The following CLEC4F variants were observed in gnomAD, a reference collection of about 807,000 sequenced individuals.
The protein encoded by CLEC4F is C-type lectin domain family 4 member F.
Under a neutral mutation model 53.4 loss-of-function variants are expected in CLEC4F, and 45 were observed. That is an observed-to-expected ratio of 0.84 (90% CI 0.66 to 1.08). CLEC4F has a LOEUF of 1.08. CLEC4F is among the 50% of genes least tolerant of loss of function. CLEC4F has a pLI of 0.00. For synonymous variants in CLEC4F, 245 were observed against 257.5 expected (o/e 0.95, Z 0.46); for missense variants, 753 against 698.2 (o/e 1.08, Z -0.88).
Position 70,809,115 on chromosome 2 carries a change from G to GC in CLEC4F, c.*155dup. The GC allele has an allele frequency of 6.4e-7, 1 of 1,550,714 alleles. No individual in the cohort carries two copies. The highest frequency in any genetic ancestry group is 8.7e-7 in the Non-Finnish European group (1 of 1,147,036). On this transcript the variant is annotated 3_prime_UTR_variant, in exon 7 of 7. Transcript: ENST00000272367. ...CAGGGCTTTATACTGTTAGATGAAG[G>GC]CAGCATCCCTTCCTGGTGCTGTGGC...
At chr2:70,819,260 T>C in intron 3 of CLEC4F, 95 bp downstream of exon 3, 2 of 922,002 alleles carry the variant, frequency 2.2e-6, no homozygotes, top group Non-Finnish European at 3.6e-6. Context: ...GCCCATTCAG[T>C]GGTCAGAGGG....
At chr2:70,818,296 T>G (rs1369393713) in intron 3 of CLEC4F, among the ~76,000 whole-genome samples, 3 of 152,294 alleles carry the variant, frequency 2.0e-5, no homozygotes, top group African/African-American at 7.2e-5. Context: ...CAATCGAATT[T>G]CAACAAAGGT....
chr2:70,813,237 G>A (rs528369357), intron 4 of CLEC4F, among the ~76,000 whole-genome samples: 17 of 152,302 alleles, frequency 1.1e-4, no homozygotes, highest in African/African-American at 4.1e-4. Flanking sequence ...ATTGTGCAAC[G>A]TTCCTTAACT....
In CLEC4F at chr2:70,819,458, T is replaced by C. The variant is rs1553397294; in HGVS notation, c.179-14A>G. The stretch of plus-strand genomic sequence containing the variant: ...TCTGCTGTTGAACTGAGACATTCCA[T>C]TTTTCCAGGTCAGCAAATCCCCAGC... On this transcript the variant is annotated splice_polypyrimidine_tract_variant and intron_variant, in intron 2 of 6. Coordinates refer to ENST00000272367, the MANE Select transcript of CLEC4F (RefSeq NM_173535.3). 6.2e-7 allele frequency: 1 copy of C among 1,611,776 alleles called. No homozygotes were observed. Among genetic ancestry groups the C allele is most frequent in the East Asian group, 2.2e-5 (1 of 44,866 alleles).
upstream of CLEC4F, among the ~76,000 whole-genome samples, chr2:70,824,204 C>T (rs529676606): frequency 6.6e-6 from 1 of 152,076 alleles, no homozygotes; most frequent in Non-Finnish European, 1.5e-5. Context: ...CACTTGTATT[C>T]AGCAGTACAA....
At chr2:70,812,332 G>T in intron 5 of CLEC4F, 115 bp downstream of exon 5, 1 of 1,131,656 alleles carries the variant, frequency 8.8e-7, no homozygotes, top group Non-Finnish European at 1.3e-6. Flanking sequence ...TCCCTGCCTG[G>T]CAGAGGAGAC....
At chr2:70,825,068 G>T (rs1469151042), upstream of CLEC4F, among the ~76,000 whole-genome samples, 1 of 152,144 alleles carries the variant, frequency 6.6e-6, no homozygotes, top group Non-Finnish European at 1.5e-5. Flanking sequence ...TCTATTGATG[G>T]TATGTACCCT....
At chr2:70,823,121 T>TTGTGTG (rs10538705), upstream of CLEC4F, among the ~76,000 whole-genome samples, 11 of 150,502 alleles carry the variant, frequency 7.3e-5, no homozygotes, top group African/African-American at 2.7e-4. Context: ...GTGTGTGTGT[T>TTGTGTG]TGTGTGTGTG....
rs373253086 is a variant in CLEC4F at position 70,812,476 on chromosome 2, G to T, written c.1510C>A (p.Leu504Met). 1 of 1,614,062 alleles carries T rather than the reference G, an allele frequency of 6.2e-7. No homozygotes were observed. Among genetic ancestry groups the T allele is most frequent in the African/African-American group, 1.3e-5 (1 of 74,928 alleles). Residue 504 changes from leucine to methionine, a missense_variant, in exon 5 of 7, where the codon CTG becomes ATG. By Grantham distance (15) the Leu-to-Met change is conservative (BLOSUM62 2). Transcript: ENST00000272367. ...EQFCVSQGAH[L>M]ASVASKEEQA... Reference sequence around the variant, plus strand: ...TCCTCCTTGGAGGCCACAGATGCCAGATGGGCTCCCTGGGACACGCAGAAC... The same window carrying T: ...TCCTCCTTGGAGGCCACAGATGCCATATGGGCTCCCTGGGACACGCAGAAC...
At chr2:70,811,527 T>A (rs930851184) in intron 5 of CLEC4F, 1 of 392,264 alleles carries the variant, frequency 2.5e-6, no homozygotes, top group Non-Finnish European at 5.0e-6. Flanking sequence ...CGAAGTTGCA[T>A]GTTCTTTCTC....
At chr2:70,822,244 G>A (rs1396986883), upstream of CLEC4F, among the ~76,000 whole-genome samples, 5 of 152,174 alleles carry the variant, frequency 3.3e-5, no homozygotes, top group Non-Finnish European at 5.9e-5. Flanking sequence ...AGAATCGGCT[G>A]GTGTCAGGAA....
intron 4 of CLEC4F, among the ~76,000 whole-genome samples, chr2:70,813,531 CTTTCT>C (rs1472968851): frequency 3.2e-4 from 48 of 149,602 alleles, no homozygotes; most frequent in Admixed American, 1.1e-3. Flanking sequence ...TTCTTTCTTT[CTTTCT>C]TTTTTTCTTT....
At chr2:70,823,345 G>T (rs1477527612), upstream of CLEC4F, among the ~76,000 whole-genome samples, 1 of 152,208 alleles carries the variant, frequency 6.6e-6, no homozygotes, top group Non-Finnish European at 1.5e-5. Flanking sequence ...ACATAGAATG[G>T]GATGGAAGCT....
chr2:70,809,542 C>T (rs1676425757), intron 6 of CLEC4F, among the ~76,000 whole-genome samples, 160 bp from the exon 7 acceptor site: 1 of 152,144 alleles, frequency 6.6e-6, no homozygotes. Context: ...ACATACCACA[C>T]ATACACCTCG....
intron 5 of CLEC4F, 68 bp downstream of exon 5, chr2:70,812,379 G>A (rs1676618026): frequency 6.4e-7 from 1 of 1,570,944 alleles, no homozygotes; most frequent in Non-Finnish European, 8.7e-7. Flanking sequence ...GAGCAGGAAG[G>A]CCAAAACACC....
At chr2:70,811,028 C>T in intron 5 of CLEC4F, 1 of 624,688 alleles carries the variant, frequency 1.6e-6, no homozygotes, top group Non-Finnish European at 3.1e-6. Context: ...ACAGATGATT[C>T]CTTTATGCTA....
chr2:70,809,567 T>C (rs1676427815), intron 6 of CLEC4F, among the ~76,000 whole-genome samples, 172 bp downstream of exon 6: 1 of 151,906 alleles, frequency 6.6e-6, no homozygotes, highest in African/African-American at 2.4e-5. Flanking sequence ...CCACATGCAT[T>C]ACACATGCCA....
At chr2:70,824,532 A>T (rs1018060494), upstream of CLEC4F, among the ~76,000 whole-genome samples, 2 of 148,878 alleles carry the variant, frequency 1.3e-5, no homozygotes, top group Non-Finnish European at 3.0e-5. Flanking sequence ...CTCATTAGAG[A>T]AATGGCTGAC....
chr2:70,813,597 C>T (rs888542981), intron 4 of CLEC4F, among the ~76,000 whole-genome samples: 3 of 106,224 alleles, frequency 2.8e-5, no homozygotes, highest in African/African-American at 3.8e-5. Context: ...CTCTTTCTTT[C>T]TCTTTCTTTC....
Sources: allele counts gnomAD v4.1 joint callset (sites outside exome capture counted in the v4.1 genomes callset), GRCh38; gene constraint gnomAD v4.1.1; transcripts MANE v1.5; gene names NCBI Gene and HGNC (gene_info 2026-07-23, HGNC 2026-07-21).